The following IGSF3 variants were observed in gnomAD, a reference collection of about 807,000 sequenced individuals.
The protein encoded by IGSF3 is immunoglobulin superfamily member 3.
IGSF3 carries 23 observed loss-of-function variants against 114.4 expected under a neutral mutation model. The ratio of observed to expected loss-of-function variants is 0.20; its 90% CI spans 0.14 to 0.28. The LOEUF (loss-of-function observed/expected upper bound fraction) is 0.28. Ranked by LOEUF, IGSF3 falls within the 10% of genes least tolerant of loss-of-function variation. IGSF3 has a pLI of 1.00. For synonymous variants in IGSF3, 571 were observed against 645.2 expected (o/e 0.88, Z 1.74); for missense variants, 1,172 against 1,591.5 (o/e 0.74, Z 4.48).
At chr1:116,602,544 A>G (rs976851267) in intron 6 of IGSF3, among the ~76,000 whole-genome samples, 4 of 152,222 alleles carry the variant, frequency 2.6e-5, no homozygotes, top group African/African-American at 9.6e-5. Context: ...AAGCAGGTCA[A>G]TCTTTAGGAT....
rs957840035 is a variant in IGSF3, at chr1:116,661,112, G to A, written c.43+5172C>T. Among the ~76,000 whole-genome samples, 3 of 152,126 alleles carry A rather than the reference G, an allele frequency of 2.0e-5. No homozygotes were observed. The highest frequency in any genetic ancestry group is 4.8e-5 in the African/African-American group (2 of 41,412). On this transcript the variant is annotated intron_variant, in intron 2 of 10. Coordinates refer to ENST00000369486, the MANE Select transcript of IGSF3 (RefSeq NM_001007237.3). The surrounding 1 kb of genome is among the most constrained non-coding windows in gnomAD (Gnocchi z 4.0). ...TTGAGACCAGTGTGGCCAACATAGT[G>A]AAGGCCCATCTCTACTAAAAATACA...
In IGSF3 at chr1:116,610,882, C is replaced by T. The variant is rs1660994399; in HGVS notation, c.833-2551G>A. Among the ~76,000 whole-genome samples the T allele has an allele frequency of 6.6e-6, 1 of 152,194 alleles. No individual in the cohort carries two copies. The highest frequency in any genetic ancestry group is 2.4e-5 in the African/African-American group (1 of 41,444). On this transcript the variant is annotated intron_variant, in intron 4 of 10. Transcript: ENST00000369486. This position sits in a 1 kb window ranked among gnomAD's most constrained non-coding sequence, Gnocchi z 4.3. ...TATCAGAGTCTACCTGATGGATGGG[C>T]TCTTTCATTAGAATTTACAAAAACA...
chr1:116,600,627 A>C lies in IGSF3; in HGVS notation c.1625-282T>G, dbSNP rs1187174563. On this transcript the variant is annotated intron_variant, in intron 6 of 10. Coordinates refer to ENST00000369486, the MANE Select transcript of IGSF3 (RefSeq NM_001007237.3). This position sits in a 1 kb window ranked among gnomAD's most constrained non-coding sequence, Gnocchi z 5.5. ...GCATTTGCTCCTCCCCTGGAATTAGACATCACAATCCTCTCAGGGACTGAT... is the reference window on the plus strand; with the variant it reads ...GCATTTGCTCCTCCCCTGGAATTAGCCATCACAATCCTCTCAGGGACTGAT... Among the ~76,000 whole-genome samples the C allele has an allele frequency of 7.2e-5, 11 of 152,172 alleles. No homozygotes were observed. The highest frequency in any genetic ancestry group is 2.7e-4 in the African/African-American group (11 of 41,428).
chr1:116,576,086 G>A lies in IGSF3; in HGVS notation c.*1226C>T, dbSNP rs1192984568. On this transcript the variant is annotated 3_prime_UTR_variant, in exon 11 of 11. Transcript: ENST00000369486. The surrounding 1 kb of genome is among the most constrained non-coding windows in gnomAD (Gnocchi z 4.6). ...TAAGGAAGACATCACTATAATTAAG[G>A]AAAATCTAATTGGAAGGAAGAAGAA... is the stretch of plus-strand genomic sequence containing the variant. The A allele has an allele frequency of 2.6e-5, 4 of 152,334 alleles. No homozygotes were observed. The highest frequency in any genetic ancestry group is 2.6e-4 in the Admixed American group (4 of 15,296). 9.4% of individuals were successfully genotyped at this position (152,334 alleles called of 1,614,324 possible).
chr1:116,608,093 A>G lies in IGSF3; in HGVS notation c.1071T>C (p.Ser357=), dbSNP rs1660863592. 8.7e-6 allele frequency: 14 copies of G among 1,613,796 alleles called. No individual in the cohort carries two copies. Among genetic ancestry groups the G allele is most frequent in the Non-Finnish European group, 1.1e-5 (13 of 1,179,806 alleles). ...GGTGGTAGATCTTCAGCACAAAGAC[A>G]CTGTCGCTCTCTTTGGCCACCTTAA... ...GQLKVAKESD[S]VFVLKIYHLR... is the part of the protein sequence containing the mutation. Residue 357 remains serine (S), a synonymous_variant, in exon 5 of 11, where the codon AGT becomes AGC. Coordinates refer to ENST00000369486, the MANE Select transcript of IGSF3 (RefSeq NM_001007237.3).
Position 116,664,112 on chromosome 1 carries a change from C to G in IGSF3, c.43+2172G>C, listed in dbSNP as rs1354437851. Among the ~76,000 whole-genome samples, 3 of 152,192 alleles carry G rather than the reference C, an allele frequency of 2.0e-5. No homozygotes were observed. The highest frequency in any genetic ancestry group is 7.2e-5 in the African/African-American group (3 of 41,448). On this transcript the variant is annotated intron_variant, in intron 2 of 10. Coordinates refer to ENST00000369486, the MANE Select transcript of IGSF3 (RefSeq NM_001007237.3). The surrounding 1 kb of genome is among the most constrained non-coding windows in gnomAD (Gnocchi z 4.6). ...TCCTTCCTGCCATACTGAGAGCCAT[C>G]AGGTGAAGAGAAAGATGAGGTTCCA... is the stretch of plus-strand genomic sequence containing the variant.
chr1:116,666,753 A>C lies in IGSF3; in HGVS notation c.-427T>G, dbSNP rs1309176793. 1.3e-5 allele frequency: 6 copies of C among 451,744 alleles called. No individual in the cohort carries two copies. The highest frequency in any genetic ancestry group is 1.2e-4 in the African/African-American group (6 of 49,524). 28.0% of individuals were successfully genotyped at this position (451,744 alleles called of 1,614,324 possible). A position where few individuals can be genotyped will look rare whatever the true frequency, so the allele number is the denominator to read the frequency against. On this transcript the variant is annotated 5_prime_UTR_variant, in exon 2 of 11. Transcript: ENST00000369486. The stretch of plus-strand genomic sequence containing the variant: ...GATCTCCCTCATTCGGATTCCCCAG[A>C]GAGAACAGGGCAGGTTTCGTCAAAA...
rs1291899828 is a variant in IGSF3, at chr1:116,577,656, C to G, written c.3335-94G>C. ...AAGACCTCACCTGACCCAGTGGAAGCTCCTCGGTGACACTCCCACACCACC... is the reference window on the plus strand; with the variant it reads ...AAGACCTCACCTGACCCAGTGGAAGGTCCTCGGTGACACTCCCACACCACC... On this transcript the variant is annotated intron_variant, in intron 10 of 10. Coordinates refer to ENST00000369486, the MANE Select transcript of IGSF3 (RefSeq NM_001007237.3). The surrounding 1 kb of genome is among the most constrained non-coding windows in gnomAD (Gnocchi z 5.7). 5 of 1,228,674 alleles carry G rather than the reference C, an allele frequency of 4.1e-6. No individual in the cohort carries two copies. The highest frequency in any genetic ancestry group is 5.8e-6 in the Non-Finnish European group (5 of 863,756). The allele number at this position is 1,228,674 out of a possible 1,614,324, so 76.1% of individuals were successfully genotyped here.
In IGSF3 at chr1:116,588,217, G is replaced by A. The variant is rs564001189; in HGVS notation, c.2440+477C>T. 6.6e-6 allele frequency among the ~76,000 whole-genome samples: 1 copy of A among 152,290 alleles called. No individual in the cohort carries two copies. The highest frequency in any genetic ancestry group is 6.5e-5 in the Admixed American group (1 of 15,306). ...ATCAAGGAAGGGCCAGAGGAGGAAT[G>A]ATTCAGTTTGGAGATAGGAAAGGCT... On this transcript the variant is annotated intron_variant, in intron 8 of 10. Coordinates refer to ENST00000369486, the MANE Select transcript of IGSF3 (RefSeq NM_001007237.3). This position sits in a 1 kb window ranked among gnomAD's most constrained non-coding sequence, Gnocchi z 4.9.
In IGSF3 at chr1:116,664,532, C is replaced by T. The variant is rs1301035519; in HGVS notation, c.43+1752G>A. ...TCCCGCCTTAGCCACACACCCCACC[C>T]CACATCCAAACCTCCCCAAGGGCTT... On this transcript the variant is annotated intron_variant, in intron 2 of 10. Transcript: ENST00000369486. This position sits in a 1 kb window ranked among gnomAD's most constrained non-coding sequence, Gnocchi z 4.6. Among the ~76,000 whole-genome samples the T allele has an allele frequency of 6.6e-6, 1 of 152,210 alleles. No individual in the cohort carries two copies. Among genetic ancestry groups the T allele is most frequent in the Non-Finnish European group, 1.5e-5 (1 of 68,032 alleles).
Position 116,585,650 on chromosome 1 carries a change from G to A in IGSF3, c.2441-598C>T, listed in dbSNP as rs1659811628. 6.6e-6 allele frequency among the ~76,000 whole-genome samples: 1 copy of A among 152,192 alleles called. No individual in the cohort carries two copies. The highest frequency in any genetic ancestry group is 1.5e-5 in the Non-Finnish European group (1 of 68,036). On this transcript the variant is annotated intron_variant, in intron 8 of 10. Transcript: ENST00000369486. The surrounding 1 kb of genome is among the most constrained non-coding windows in gnomAD (Gnocchi z 4.9). ...CAGTAAAGAAAAGACTGCCAGACAA[G>A]GTGGCTCACGCCTGTAATCCCAGCA...
At chr1:116,601,795 G>T (rs1302409687) in intron 6 of IGSF3, among the ~76,000 whole-genome samples, 1 of 152,190 alleles carries the variant, frequency 6.6e-6, no homozygotes, top group Non-Finnish European at 1.5e-5. Flanking sequence ...CAGTCGCTGT[G>T]CACCTGTGTG....
chr1:116,596,490 C>T lies in IGSF3; in HGVS notation c.2029+3451G>A, dbSNP rs1660351507. Among the ~76,000 whole-genome samples the T allele has an allele frequency of 6.6e-6, 1 of 152,138 alleles. No homozygotes were observed. The highest frequency in any genetic ancestry group is 2.1e-4 in the South Asian group (1 of 4,832). On this transcript the variant is annotated intron_variant, in intron 7 of 10. Coordinates refer to ENST00000369486, the MANE Select transcript of IGSF3 (RefSeq NM_001007237.3). This position sits in a 1 kb window ranked among gnomAD's most constrained non-coding sequence, Gnocchi z 4.1. ...TGGAAGAATCAGGAGTTAAAAGAGGCACAAGATAAAACTTCTACACCATCA... is the reference window on the plus strand; with the variant it reads ...TGGAAGAATCAGGAGTTAAAAGAGGTACAAGATAAAACTTCTACACCATCA...
rs4044786 is a variant in IGSF3 at position 116,627,659 on chromosome 1, G to A, written c.44-11202C>T. ...ACCAGGCAGCAGAGGGATGCGGGGC[G>A]CCAACAGCAAAAGCACTTGGGGGGC... On this transcript the variant is annotated intron_variant, in intron 2 of 10. Coordinates refer to ENST00000369486, the MANE Select transcript of IGSF3 (RefSeq NM_001007237.3). The surrounding 1 kb of genome is among the most constrained non-coding windows in gnomAD (Gnocchi z 4.7). Among the ~76,000 whole-genome samples, 2 of 152,186 alleles carry A rather than the reference G, an allele frequency of 1.3e-5. No homozygotes were observed. The highest frequency in any genetic ancestry group is 2.9e-5 in the Non-Finnish European group (2 of 68,036).
chr1:116,623,954 A>T (rs1404335215), intron 2 of IGSF3, among the ~76,000 whole-genome samples: 2 of 150,376 alleles, frequency 1.3e-5, no homozygotes, highest in Non-Finnish European at 3.0e-5. Flanking sequence ...CAGCATGGTG[A>T]TGTGCGCCTG....
In IGSF3 at chr1:116,574,515, C is replaced by G. The variant is rs538298498; in HGVS notation, c.*2797G>C. On this transcript the variant is annotated 3_prime_UTR_variant, in exon 11 of 11. Transcript: ENST00000369486. The surrounding 1 kb of genome is among the most constrained non-coding windows in gnomAD (Gnocchi z 5.2). Reference sequence around the variant, plus strand: ...AAAAAACAGAAACAAATCAACAGCTCTCTACATCATGCATGGGTAGTTTTC... The same window carrying G: ...AAAAAACAGAAACAAATCAACAGCTGTCTACATCATGCATGGGTAGTTTTC... 7.2e-5 allele frequency: 11 copies of G among 152,706 alleles called. No individual in the cohort carries two copies. In the South Asian group the frequency reaches 2.3e-3, roughly 32 times the overall value. 9.5% of individuals were successfully genotyped at this position (152,706 alleles called of 1,614,324 possible). A position where few individuals can be genotyped will look rare whatever the true frequency, so the allele number is the denominator to read the frequency against.
At chr1:116,641,623 G>A (rs1268157759) in intron 2 of IGSF3, among the ~76,000 whole-genome samples, 3 of 151,440 alleles carry the variant, frequency 2.0e-5, no homozygotes, top group Non-Finnish European at 2.9e-5. Flanking sequence ...AACATCCAAA[G>A]AAGAGCACTG....
Position 116,599,955 on chromosome 1 carries a change from C to G in IGSF3, c.2015G>C (p.Arg672Thr). The G allele has an allele frequency of 6.2e-7, 1 of 1,612,040 alleles. No individual in the cohort carries two copies. The highest frequency in any genetic ancestry group is 8.5e-7 in the Non-Finnish European group (1 of 1,178,630). Residue 672 changes from arginine (R) to threonine (T), a missense_variant, in exon 7 of 11, where the codon AGG becomes ACG. Physicochemically the swap from Arg to Thr is moderately conservative, Grantham distance 71. This residue lies in a region of IGSF3 where 736 missense variants were observed against 1,042.0 expected (regional missense o/e 0.71). Coordinates refer to ENST00000369486, the MANE Select transcript of IGSF3 (RefSeq NM_001007237.3). ...GCAGCACTCACCTGGCTGCAGCACCCTGATCTCCAGCAGGTTGGAGGTCCT... is the reference window on the plus strand; with the variant it reads ...GCAGCACTCACCTGGCTGCAGCACCGTGATCTCCAGCAGGTTGGAGGTCCT... The part of the protein sequence containing the change: ...AERTSNLLEI[R>T]VLQPVTKLQV...
At chr1:116,663,169 A>G (rs1649183389) in intron 2 of IGSF3, among the ~76,000 whole-genome samples, 1 of 152,190 alleles carries the variant, frequency 6.6e-6, no homozygotes, top group Non-Finnish European at 1.5e-5. Context: ...CTTCCTGGCT[A>G]CACAAAATCA....
Sources: gnomAD v4.1 joint callset for allele counts (sites outside exome capture counted in the v4.1 genomes callset) on GRCh38, gnomAD v4.1.1 for gene constraint, gnomAD v4.1.1 regional missense constraint, Gnocchi (gnomAD v3.1) non-coding constraint, MANE v1.5 for transcripts, NCBI Gene and HGNC (gene_info 2026-07-23, HGNC 2026-07-21) for gene names.